The following NAA16 variants were observed in gnomAD, a reference collection of about 807,000 sequenced individuals.
NAA16 encodes NARG1-like protein.
NAA16 carries 97 observed loss-of-function variants against 110.3 expected under a neutral mutation model. That is an observed-to-expected ratio of 0.88 (90% CI 0.75 to 1.04). The LOEUF (loss-of-function observed/expected upper bound fraction) is 1.04. Among genes scored for constraint, NAA16 ranks in the 50% least tolerant of loss-of-function variants. The pLI, the probability that NAA16 is intolerant of heterozygous loss-of-function variation, is 0.00. For synonymous variants in NAA16, 372 were observed against 330.6 expected, an observed-to-expected ratio of 1.13 and a Z score of -1.36; for missense variants, 1,017 against 1,005.1, an observed-to-expected ratio of 1.01 and a Z score of -0.16.
chr13:41,339,114 CTTG>C (rs1368640405), intron 9 of NAA16, among the ~76,000 whole-genome samples: 2 of 29,682 alleles, frequency 6.7e-5, no homozygotes, highest in East Asian at 2.8e-3. Flanking sequence ...AAATGTATTT[CTTG>C]TTTTTGTTGT....
At chr13:41,356,143 C>G (rs2042976079) in intron 10 of NAA16, among the ~76,000 whole-genome samples, 1 of 152,146 alleles carries the variant, frequency 6.6e-6, no homozygotes, top group Non-Finnish European at 1.5e-5. Context: ...CCATGCCTAG[C>G]TGATTTTGTG....
chr13:41,354,239 G>T (rs1566284603), intron 9 of NAA16, among the ~76,000 whole-genome samples: 1 of 152,200 alleles, frequency 6.6e-6, no homozygotes, highest in African/African-American at 2.4e-5. Context: ...GTTTTGACTA[G>T]TGTCTAGGAT....
At position 41,320,853 on chromosome 13, in the gene NAA16, AT is replaced by A. The variant is rs747943344; in HGVS notation, c.402+33del. 1.9e-6 allele frequency: 3 copies of A among 1,550,482 alleles called. No individual in the cohort carries two copies. In the Admixed American group the frequency reaches 6.3e-5, roughly 33 times the overall value. ...AGTACTTCATTCTTAAATGTACATG[AT>A]TTTACAGTAGACAAAATTTAAGAGC... On this transcript the variant is annotated intron_variant, in intron 4 of 19. Coordinates refer to ENST00000379406, the MANE Select transcript of NAA16 (RefSeq NM_024561.5).
intron 8 of NAA16, 110 bp from the exon 9 acceptor site, chr13:41,336,537 TAAA>T: frequency 1.7e-6 from 1 of 604,420 alleles, no homozygotes; most frequent in Non-Finnish European, 2.9e-6. Context: ...TTTGGGTTTA[TAAA>T]TTGGATAGGA....
chr13:41,318,909 CTG>C lies in NAA16; in HGVS notation c.244+1_244+2del. On this transcript the variant is annotated splice_donor_variant and coding_sequence_variant, in exon 3 of 20. Transcript: ENST00000379406. LOFTEE classifies it high-confidence loss of function. ...TTCGTAATGATGTCAAGAGTCATGT[CTG>C]TATCCTTTTGCAGTAGTTAAATAGT... 1 of 1,553,604 alleles carries C rather than the reference CTG, an allele frequency of 6.4e-7. No individual in the cohort carries two copies. Among genetic ancestry groups the C allele is most frequent in the Non-Finnish European group, 8.7e-7 (1 of 1,146,704 alleles).
At chr13:41,352,215 G>T (rs6560980) in intron 9 of NAA16, among the ~76,000 whole-genome samples, 142,943 of 152,044 alleles carry the variant, frequency 0.94, 67,241 homozygotes, top group South Asian at 0.99. Flanking sequence ...GGTGGTGCAT[G>T]CCTGTAGTCC....
rs527334920 is a variant in NAA16, at chr13:41,311,379, G to T, written c.-150G>T. On this transcript the variant is annotated 5_prime_UTR_variant, in exon 1 of 20. Coordinates refer to ENST00000379406, the MANE Select transcript of NAA16 (RefSeq NM_024561.5). ...ATTGCCACCCGTGCCGAACAGCCAG[G>T]CTGCCCAATTGCAACTGTAGACCAA... The T allele has an allele frequency of 2.9e-6, 2 of 692,168 alleles. No individual in the cohort carries two copies. The highest frequency in any genetic ancestry group is 1.8e-5 in the African/African-American group (1 of 54,138). The allele number at this position is 692,168 out of a possible 1,614,324, so 42.9% of individuals were successfully genotyped here.
Position 41,320,922 on chromosome 13 carries a change from G to C in NAA16, c.402+98G>C, listed in dbSNP as rs980931913. 9.4e-6 allele frequency: 10 copies of C among 1,068,126 alleles called. No individual in the cohort carries two copies. In the East Asian group the frequency reaches 2.6e-4, roughly 28 times the overall value. 66.2% of individuals were successfully genotyped at this position (1,068,126 alleles called of 1,614,324 possible). A position where few individuals can be genotyped will look rare whatever the true frequency, so the allele number is the denominator to read the frequency against. On this transcript the variant is annotated intron_variant, in intron 4 of 19. Transcript: ENST00000379406. ...GGTGAGCATAAGCCAAAATCAAGTA[G>C]ATTTGATTGTTCATTAGAAGGTGTA...
intron 6 of NAA16, among the ~76,000 whole-genome samples, chr13:41,327,040 T>A (rs969999266): frequency 1.3e-5 from 2 of 152,150 alleles, no homozygotes; most frequent in Non-Finnish European, 2.9e-5. Flanking sequence ...CTTTTCAGAT[T>A]GGCTTTATTT....
chr13:41,341,567 A>G (rs928060771), intron 9 of NAA16, among the ~76,000 whole-genome samples: 2 of 151,874 alleles, frequency 1.3e-5, no homozygotes, highest in African/African-American at 2.4e-5. Context: ...AATGAAGACA[A>G]TTAGTTGGTC....
intron 19 of NAA16, 69 bp downstream of exon 19, chr13:41,374,908 A>G (rs962590314): frequency 3.3e-6 from 3 of 901,888 alleles, no homozygotes; most frequent in Admixed American, 2.3e-5. Context: ...TTACAGCATA[A>G]TTCTTGAGTA....
At chr13:41,357,291 A>G (rs917643543) in intron 10 of NAA16, among the ~76,000 whole-genome samples, 2 of 152,230 alleles carry the variant, frequency 1.3e-5, no homozygotes, top group Non-Finnish European at 1.5e-5. Context: ...ACTGCACTCC[A>G]GTGTTGGTGA....
At chr13:41,338,385 A>G (rs1232535713) in intron 9 of NAA16, among the ~76,000 whole-genome samples, 2 of 152,174 alleles carry the variant, frequency 1.3e-5, no homozygotes, top group African/African-American at 4.8e-5. Flanking sequence ...CATTACAAAA[A>G]TGCTAAACTT....
intron 10 of NAA16, among the ~76,000 whole-genome samples, chr13:41,356,459 CTGATA>C (rs2042989423): frequency 1.6e-4 from 1 of 6,332 alleles, no homozygotes; most frequent in African/African-American, 1.5e-3. Context: ...AACATAATAT[CTGATA>C]CCCAATCTTA....
intron 17 of NAA16, chr13:41,373,046 C>G (rs1280713992): frequency 1.2e-6 from 1 of 816,038 alleles, no homozygotes; most frequent in Non-Finnish European, 1.5e-6. Flanking sequence ...TTACATTAAG[C>G]TGGTGGACAT....
intron 9 of NAA16, among the ~76,000 whole-genome samples, chr13:41,345,195 G>A (rs2042649274): frequency 6.6e-6 from 1 of 152,144 alleles, no homozygotes. Context: ...TTTCTCTTAG[G>A]TGTGTATCTG....
At chr13:41,320,921 A>G (rs2041929668) in intron 4 of NAA16, 97 bp downstream of exon 4, 3 of 1,079,462 alleles carry the variant, frequency 2.8e-6, no homozygotes, top group Non-Finnish European at 2.6e-6. Flanking sequence ...AAAATCAAGT[A>G]GATTTGATTG....
intron 9 of NAA16, among the ~76,000 whole-genome samples, chr13:41,343,055 A>T (rs1236874283): frequency 6.6e-6 from 1 of 152,178 alleles, no homozygotes; most frequent in African/African-American, 2.4e-5. Flanking sequence ...CCAATTATAA[A>T]CTGCCACATG....
intron 5 of NAA16, among the ~76,000 whole-genome samples, chr13:41,324,193 G>A (rs375202500): frequency 2.6e-5 from 4 of 151,804 alleles, no homozygotes; most frequent in East Asian, 3.9e-4. Context: ...AGCTTTTTAC[G>A]TCACACCAGA....
Sources: allele counts gnomAD v4.1 joint callset (sites outside exome capture counted in the v4.1 genomes callset), GRCh38; gene constraint gnomAD v4.1.1; transcripts MANE v1.5; gene names NCBI Gene and HGNC (gene_info 2026-07-23, HGNC 2026-07-21).